Variants in ANKRD17 observed in about 807,000 individuals in gnomAD.
ANKRD17 encodes the protein ankyrin repeat domain 17.
ANKRD17 carries 19 observed loss-of-function variants against 229.7 expected under a neutral mutation model. The ratio of observed to expected loss-of-function variants is 0.08; its 90% CI spans 0.06 to 0.12. The LOEUF (loss-of-function observed/expected upper bound fraction) is 0.12, where lower values mean the gene tolerates loss of function less well. Among genes scored for constraint, ANKRD17 ranks in the 10% least tolerant of loss-of-function variants. ANKRD17 has a pLI of 1.00. For missense variants in ANKRD17, 2,176 were observed against 3,176.8 expected (o/e 0.68, Z 7.57); for synonymous variants, 1,112 against 1,146.1 (o/e 0.97, Z 0.60).
At chr4:73,136,754 T>A (rs1728943104) in intron 15 of ANKRD17, among the ~76,000 whole-genome samples, 1 of 152,090 alleles carries the variant, frequency 6.6e-6, no homozygotes, top group African/African-American at 2.4e-5. Context: ...AATCTAGAGC[T>A]CTTTAAATTG....
At chr4:73,081,317 T>G (rs913035642) in intron 30 of ANKRD17, among the ~76,000 whole-genome samples, 2 of 151,908 alleles carry the variant, frequency 1.3e-5, no homozygotes, top group Non-Finnish European at 2.9e-5. Flanking sequence ...TGCAAGAAAC[T>G]GACAAGAAAC....
intron 1 of ANKRD17, among the ~76,000 whole-genome samples, chr4:73,188,368 T>C (rs920373337): frequency 1.3e-5 from 2 of 151,998 alleles, no homozygotes; most frequent in Non-Finnish European, 1.5e-5. Context: ...AGGCGGATCA[T>C]GAGGTCAGGG....
intron 1 of ANKRD17, among the ~76,000 whole-genome samples, chr4:73,233,225 C>T (rs1743221085): frequency 6.6e-6 from 1 of 152,070 alleles, no homozygotes; most frequent in African/African-American, 2.4e-5. Context: ...TCTTGATTCA[C>T]CAAATTTTAT....
At chr4:73,122,086 A>C (rs1726817109) in intron 18 of ANKRD17, among the ~76,000 whole-genome samples, 1 of 152,192 alleles carries the variant, frequency 6.6e-6, no homozygotes, top group African/African-American at 2.4e-5. Flanking sequence ...AATATGGGAC[A>C]AGATTTTTTC....
At chr4:73,081,743 G>C (rs1577984874) in intron 30 of ANKRD17, among the ~76,000 whole-genome samples, 1 of 152,304 alleles carries the variant, frequency 6.6e-6, no homozygotes, top group Middle Eastern at 3.4e-3. Context: ...ATAAAATGAA[G>C]TGGCCTAAGG....
At chr4:73,088,171 A>T (rs1478777149) in intron 29 of ANKRD17, among the ~76,000 whole-genome samples, 3 of 152,232 alleles carry the variant, frequency 2.0e-5, no homozygotes, top group Non-Finnish European at 4.4e-5. Context: ...AAATACAAAT[A>T]ATCAAATTAT....
Position 73,098,358 on chromosome 4 carries a change from T to G in ANKRD17, c.4736A>C (p.Glu1579Ala). ...ATCATCAAATATAATTTGAACGTTT[T>G]CTGGAGTAATTTTATTTTTCCTGTT... ...RKNRKNKITPENVQIIFDDPL... is the reference protein window; with the variant it reads ...RKNRKNKITPANVQIIFDDPL... Residue 1579 changes from glutamate to alanine, a missense_variant, in exon 26 of 34, where the codon GAA becomes GCA. Physicochemically the swap from Glu to Ala is moderately radical, Grantham distance 107. Transcript: ENST00000358602. The G allele has an allele frequency of 6.2e-7, 1 of 1,614,230 alleles. No individual in the cohort carries two copies. Among genetic ancestry groups the G allele is most frequent in the African/African-American group, 1.3e-5 (1 of 75,056 alleles).
chr4:73,079,462 A>T (rs757938376), intron 30 of ANKRD17, among the ~76,000 whole-genome samples: 16 of 152,214 alleles, frequency 1.1e-4, no homozygotes, highest in Admixed American at 3.9e-4. Flanking sequence ...GCTCGATCAT[A>T]ACTCACTGCA....
chr4:73,126,362 T>C (rs1727468051), intron 16 of ANKRD17, among the ~76,000 whole-genome samples: 1 of 151,264 alleles, frequency 6.6e-6, no homozygotes, highest in Non-Finnish European at 1.5e-5. Flanking sequence ...CCAGCCAGAG[T>C]AGAAAGACCT....
chr4:73,090,379 C>T (rs997163782), intron 29 of ANKRD17, among the ~76,000 whole-genome samples: 2 of 152,176 alleles, frequency 1.3e-5, no homozygotes, highest in African/African-American at 4.8e-5. Context: ...CACTGCACTC[C>T]AGCCTGGGTG....
chr4:73,215,157 A>G (rs1183261524), intron 1 of ANKRD17, among the ~76,000 whole-genome samples: 1 of 152,212 alleles, frequency 6.6e-6, no homozygotes, highest in Non-Finnish European at 1.5e-5. Context: ...TCAATAATAA[A>G]ATTCAAACTT....
rs185209351 is a variant in ANKRD17, at chr4:73,230,576, A to G, written c.393+27700T>C. Among the ~76,000 whole-genome samples the G allele has an allele frequency of 3.9e-5, 6 of 152,230 alleles. No individual in the cohort carries two copies. The East Asian group carries it at 9.6e-4, about 24-fold the overall frequency. On this transcript the variant is annotated intron_variant, in intron 1 of 33. Coordinates refer to ENST00000358602, the MANE Select transcript of ANKRD17 (RefSeq NM_032217.5). ...ATGTTTAATACTAAAAACTTCAATG[A>G]TTTTTTTCTCTAATTGGTCCCCTTC...
Position 73,076,966 on chromosome 4 carries a change from A to T in ANKRD17, c.7726T>A (p.Ser2576Thr). The change falls in exon 33 of 34, where the codon TCC (serine) becomes ACC (threonine). Residue 2576 changes from serine to threonine, a missense_variant. Ser to Thr is a moderately conservative substitution (Grantham distance 58). Coordinates refer to ENST00000358602, the MANE Select transcript of ANKRD17 (RefSeq NM_032217.5). ...WNSLIKMVSS[S>T]TENNGPQTVW... ...GTTTGAGGGCCATTATTTTCCGTGG[A>T]GCTGGAAACCATCTTTATCAGTGAG... is the stretch of plus-strand genomic sequence containing the variant. 6.2e-7 allele frequency: 1 copy of T among 1,612,010 alleles called. No individual in the cohort carries two copies. Among genetic ancestry groups the T allele is most frequent in the African/African-American group, 1.3e-5 (1 of 74,950 alleles).
chr4:73,251,094 G>C (rs1429153712), intron 1 of ANKRD17, among the ~76,000 whole-genome samples: 1 of 152,032 alleles, frequency 6.6e-6, no homozygotes, highest in Non-Finnish European at 1.5e-5. Context: ...AACAAAGTGA[G>C]ACGCCATCTC....
At chr4:73,194,857 G>GT (rs915187703) in intron 1 of ANKRD17, among the ~76,000 whole-genome samples, 69 of 151,328 alleles carry the variant, frequency 4.6e-4, no homozygotes, top group African/African-American at 1.4e-3. Flanking sequence ...CTCATTAACT[G>GT]TTTTTTTTAG....
intron 1 of ANKRD17, among the ~76,000 whole-genome samples, chr4:73,180,515 T>G (rs1735410892): frequency 6.6e-6 from 1 of 152,152 alleles, no homozygotes; most frequent in African/African-American, 2.4e-5. Context: ...ACAGAAACAT[T>G]TACTTTCTAC....
At chr4:73,200,317 A>G (rs1738484190) in intron 1 of ANKRD17, among the ~76,000 whole-genome samples, 1 of 152,136 alleles carries the variant, frequency 6.6e-6, no homozygotes, top group South Asian at 2.1e-4. Flanking sequence ...ATAAATAAAA[A>G]TTGTCATCGG....
chr4:73,132,175 G>A (rs1333418911), intron 16 of ANKRD17, among the ~76,000 whole-genome samples: 2 of 147,978 alleles, frequency 1.4e-5, no homozygotes, highest in Non-Finnish European at 3.0e-5. Context: ...GTATGATCTT[G>A]GCTCACTGGC....
At chr4:73,213,141 A>T (rs564529136) in intron 1 of ANKRD17, among the ~76,000 whole-genome samples, 1 of 152,328 alleles carries the variant, frequency 6.6e-6, no homozygotes, top group Admixed American at 6.5e-5. Flanking sequence ...AAACTTAAGC[A>T]TGTCACACAA....
Sources: gnomAD v4.1 joint callset for allele counts (sites outside exome capture counted in the v4.1 genomes callset) on GRCh38, gnomAD v4.1.1 for gene constraint, MANE v1.5 for transcripts, NCBI Gene and HGNC (gene_info 2026-07-23, HGNC 2026-07-21) for gene names.